GALNT13: variants seen among roughly 807,000 people sequenced by gnomAD.
GALNT13 encodes UDP-GalNAc:polypeptide N-acetylgalactosaminyltransferase 13.
Under a neutral mutation model 64.2 loss-of-function variants are expected in GALNT13, and 28 were observed. The ratio of observed to expected loss-of-function variants is 0.44; its 90% confidence interval spans 0.32 to 0.60. The LOEUF (loss-of-function observed/expected upper bound fraction) is 0.60, where lower values mean the gene tolerates loss of function less well. Among genes scored for constraint, GALNT13 ranks in the 20% least tolerant of loss-of-function variants. The pLI is 0.05. For missense variants in GALNT13, 577 were observed against 669.8 expected, an observed-to-expected ratio of 0.86 and a Z score of 1.53; for synonymous variants, 214 against 224.6, an observed-to-expected ratio of 0.95 and a Z score of 0.42.
intron 3 of GALNT13, among the ~76,000 whole-genome samples, chr2:154,129,730 T>C (rs1447203238): frequency 6.6e-6 from 1 of 152,156 alleles, no homozygotes; most frequent in Non-Finnish European, 1.5e-5. Flanking sequence ...GTGATACCTA[T>C]GTTAATTCCC....
At chr2:154,028,880 T>A (rs11897450) in intron 3 of GALNT13, among the ~76,000 whole-genome samples, 9,297 of 151,864 alleles carry the variant, frequency 0.061, 588 homozygotes, top group African/African-American at 0.16. Context: ...AACTAGAAAG[T>A]TTGCAGATTC....
upstream of GALNT13, among the ~76,000 whole-genome samples, chr2:153,869,961 A>G (rs1685820700): frequency 1.3e-5 from 2 of 152,006 alleles, no homozygotes; most frequent in East Asian, 3.9e-4. Context: ...CTGCTAGCCT[A>G]TTGAAGGATG....
At chr2:154,404,019 A>T (rs1699417340) in intron 10 of GALNT13, among the ~76,000 whole-genome samples, 1 of 152,088 alleles carries the variant, frequency 6.6e-6, no homozygotes, top group African/African-American at 2.4e-5. Context: ...ATCATATTGG[A>T]GGTGGTAGTG....
chr2:153,088,212 A>G, the GALNT13 span, among the ~76,000 whole-genome samples: 8 of 152,072 alleles, frequency 5.3e-5, no homozygotes, highest in African/African-American at 9.7e-5. Flanking sequence ...TCCTCATTTC[A>G]ATGTTGACCC....
intron 9 of GALNT13, among the ~76,000 whole-genome samples, chr2:154,373,883 TTA>T (rs916242477): frequency 6.6e-6 from 1 of 152,130 alleles, no homozygotes; most frequent in Admixed American, 6.6e-5. Flanking sequence ...TGGGTTTTGT[TTA>T]TGTTTTGCTT....
At chr2:153,977,533 C>T (rs1694161143) in intron 3 of GALNT13, among the ~76,000 whole-genome samples, 3 of 152,242 alleles carry the variant, frequency 2.0e-5, no homozygotes, top group Admixed American at 2.0e-4. Flanking sequence ...ATGGGGGAAA[C>T]CACCACCATG....
intron 2 of GALNT13, among the ~76,000 whole-genome samples, chr2:153,941,424 T>C (rs959750564): frequency 6.6e-6 from 1 of 152,218 alleles, no homozygotes; most frequent in African/African-American, 2.4e-5. Flanking sequence ...GGTAATAGTA[T>C]TGGATAGAAA....
the GALNT13 span, among the ~76,000 whole-genome samples, chr2:153,451,485 G>A: frequency 1.3e-5 from 2 of 152,278 alleles, no homozygotes; most frequent in Non-Finnish European, 2.9e-5. Flanking sequence ...CCAAGTGCAT[G>A]AGGCTGCTGG....
intron 11 of GALNT13, among the ~76,000 whole-genome samples, chr2:154,430,826 G>A (rs1700677268): frequency 6.6e-6 from 1 of 152,162 alleles, no homozygotes; most frequent in South Asian, 2.1e-4. Context: ...GCAGCCATCA[G>A]CATTGAGGCA....
intron 9 of GALNT13, among the ~76,000 whole-genome samples, chr2:154,325,726 G>A (rs191836386): frequency 2.0e-4 from 31 of 152,014 alleles, no homozygotes; most frequent in Middle Eastern, 3.4e-3. Flanking sequence ...ATCACCTCAT[G>A]CATTGTAACT....
chr2:153,914,341 C>T (rs1031169066), intron 2 of GALNT13, among the ~76,000 whole-genome samples: 8 of 151,854 alleles, frequency 5.3e-5, no homozygotes, highest in African/African-American at 1.9e-4. Context: ...AAAAACTAGT[C>T]GAGTGTGGTG....
chr2:153,933,004 T>G (rs1690643138), intron 2 of GALNT13, among the ~76,000 whole-genome samples: 1 of 152,200 alleles, frequency 6.6e-6, no homozygotes, highest in African/African-American at 2.4e-5. Flanking sequence ...ATTTCAGCTT[T>G]TTTAAAAATT....
At chr2:153,277,423 T>C in the GALNT13 span, among the ~76,000 whole-genome samples, 107 of 152,352 alleles carry the variant, frequency 7.0e-4, no homozygotes, top group East Asian at 0.01. Flanking sequence ...CTGTGGTATA[T>C]ATGTATGACA....
intron 1 of GALNT13, among the ~76,000 whole-genome samples, chr2:153,893,920 A>G (rs1687726827): frequency 6.6e-6 from 1 of 152,110 alleles, no homozygotes; most frequent in South Asian, 2.1e-4. Flanking sequence ...AAAAGGCAGC[A>G]TTTCTTCAGA....
chr2:153,674,154 C>G, the GALNT13 span, among the ~76,000 whole-genome samples: 1 of 152,108 alleles, frequency 6.6e-6, no homozygotes, highest in South Asian at 2.1e-4. Context: ...TCAATGCTAT[C>G]CCCAACAAAC....
intron 9 of GALNT13, among the ~76,000 whole-genome samples, chr2:154,385,402 A>G (rs1574209565): frequency 6.6e-6 from 1 of 151,932 alleles, no homozygotes; most frequent in East Asian, 1.9e-4. Flanking sequence ...GTACCCAGGA[A>G]AATATTTCCC....
chr2:153,549,383 G>T, the GALNT13 span, among the ~76,000 whole-genome samples: 940 of 152,212 alleles, frequency 6.2e-3, 11 homozygotes, highest in African/African-American at 0.021. Context: ...ATAGGTCAAC[G>T]GTAGACTGAA....
chr2:153,365,982 G>A, the GALNT13 span, among the ~76,000 whole-genome samples: 1 of 152,106 alleles, frequency 6.6e-6, no homozygotes, highest in African/African-American at 2.4e-5. Flanking sequence ...CAATGACTTG[G>A]AACTAACCCA....
chr2:153,763,907 C>T, the GALNT13 span, among the ~76,000 whole-genome samples: 1 of 151,408 alleles, frequency 6.6e-6, no homozygotes, highest in African/African-American at 2.4e-5. Context: ...TTGGAGGGCT[C>T]AGAAGAACAG....
Sources: allele counts gnomAD v4.1 joint callset (sites outside exome capture counted in the v4.1 genomes callset), GRCh38; gene constraint gnomAD v4.1.1; transcripts MANE v1.5; gene names NCBI Gene and HGNC (gene_info 2026-07-23, HGNC 2026-07-21).